The following TNKS variants were observed in gnomAD, a reference collection of about 807,000 sequenced individuals.
The protein encoded by TNKS is tankyrase.
TNKS carries 72 observed loss-of-function variants against 135.8 expected under a neutral mutation model. The ratio of observed to expected loss-of-function variants is 0.53; its 90% confidence interval spans 0.44 to 0.64. TNKS has a LOEUF of 0.64. TNKS is among the 30% of genes least tolerant of loss of function. The pLI is 0.00. For missense variants in TNKS, 1,769 were observed against 1,674.0 expected (o/e 1.06, Z -0.99); for synonymous variants, 849 against 649.3 (o/e 1.31, Z -4.68).
At chr8:9,591,034 A>G (rs1050907307) in intron 2 of TNKS, among the ~76,000 whole-genome samples, 3 of 152,168 alleles carry the variant, frequency 2.0e-5, no homozygotes, top group Admixed American at 1.3e-4. Context: ...TTGTAACTGA[A>G]ATGTATTTAG....
At position 9,556,617 on chromosome 8, in the gene TNKS, G is replaced by C. The variant is rs1457623335; in HGVS notation, c.673+5G>C. On this transcript the variant is annotated splice_donor_5th_base_variant and intron_variant, in intron 1 of 26. Transcript: ENST00000310430. ...CTCCCCTGCACTTCGCTGCAGGTCAGAGACTTTTGAATTGTTTATTAAGGG... is the reference window on the plus strand; with the variant it reads ...CTCCCCTGCACTTCGCTGCAGGTCACAGACTTTTGAATTGTTTATTAAGGG... The C allele has an allele frequency of 5.6e-6, 9 of 1,612,976 alleles. No individual in the cohort carries two copies. Among genetic ancestry groups the C allele is most frequent in the Non-Finnish European group, 7.6e-6 (9 of 1,180,038 alleles).
chr8:9,638,534 A>T (rs756448112), intron 3 of TNKS, among the ~76,000 whole-genome samples: 4 of 152,190 alleles, frequency 2.6e-5, no homozygotes, highest in African/African-American at 4.8e-5. Context: ...ATCCAAGGAG[A>T]TAATCTTGAA....
intron 1 of TNKS, among the ~76,000 whole-genome samples, chr8:9,566,887 C>T (rs1363788209): frequency 1.3e-5 from 2 of 152,028 alleles, no homozygotes; most frequent in African/African-American, 4.8e-5. Context: ...GGATTACAGG[C>T]GTGAGCCACC....
chr8:9,556,389 G>A lies in TNKS; in HGVS notation c.450G>A (p.Leu150=). 6.2e-7 allele frequency: 1 copy of A among 1,614,222 alleles called. No homozygotes were observed. Among genetic ancestry groups the A allele is most frequent in the Non-Finnish European group, 8.5e-7 (1 of 1,180,040 alleles). ...SSSPSSPGSS[L]AESPEAAGVS... ...CTCCATCCTCCCCTGGATCGAGCTT[G>A]GCGGAGAGCCCCGAGGCGGCCGGAG... The change falls in exon 1 of 27, where the codon TTG becomes TTA. Residue 150 remains leucine, a synonymous_variant. Coordinates refer to ENST00000310430, the MANE Select transcript of TNKS (RefSeq NM_003747.3).
chr8:9,761,423 A>T (rs762138238), intron 20 of TNKS, 93 bp from the exon 21 acceptor site: 13 of 1,311,490 alleles, frequency 9.9e-6, no homozygotes, highest in Admixed American at 2.4e-5. Context: ...TCTTAATTTG[A>T]ATGGTACTCG....
intron 18 of TNKS, among the ~76,000 whole-genome samples, chr8:9,749,022 A>G (rs1806384166): frequency 6.6e-6 from 1 of 152,202 alleles, no homozygotes; most frequent in African/African-American, 2.4e-5. Context: ...TCACAGAATA[A>G]TTGTATCTCA....
chr8:9,735,921 AT>A (rs1385423897), intron 17 of TNKS, among the ~76,000 whole-genome samples: 1 of 152,054 alleles, frequency 6.6e-6, no homozygotes, highest in Non-Finnish European at 1.5e-5. Context: ...ATTTAGCATA[AT>A]TTTAATCTTT....
intron 17 of TNKS, among the ~76,000 whole-genome samples, chr8:9,745,684 C>T (rs1351767875): frequency 6.6e-6 from 1 of 152,090 alleles, no homozygotes; most frequent in Non-Finnish European, 1.5e-5. Context: ...GGATTACAGG[C>T]CTGAACCACC....
intron 3 of TNKS, among the ~76,000 whole-genome samples, chr8:9,628,516 C>CTT (rs61035679): frequency 5.4e-5 from 8 of 149,150 alleles, no homozygotes; most frequent in African/African-American, 2.0e-4. Context: ...ATTCCTCCTG[C>CTT]TTTTTTTTTT....
rs537782161 is a variant in TNKS at position 9,659,715 on chromosome 8, A to G, written c.995-20236A>G. On this transcript the variant is annotated intron_variant, in intron 3 of 26. Coordinates refer to ENST00000310430, the MANE Select transcript of TNKS (RefSeq NM_003747.3). ...GCAAACACATTCAAAAGCTAGCAGA[A>G]GGCAAGAAATAAGTAAGATCAGAGC... Among the ~76,000 whole-genome samples, 19 of 152,358 alleles carry G rather than the reference A, an allele frequency of 1.2e-4. 1 individual carries two copies. The South Asian group carries it at 3.9e-3, about 32-fold the overall frequency.
At chr8:9,762,301 A>G (rs537655707) in intron 21 of TNKS, among the ~76,000 whole-genome samples, 1 of 152,308 alleles carries the variant, frequency 6.6e-6, no homozygotes, top group East Asian at 1.9e-4. Context: ...TCAAATTATA[A>G]AAGAGTGATG....
intron 5 of TNKS, among the ~76,000 whole-genome samples, chr8:9,702,261 T>C (rs1803836324): frequency 2.0e-5 from 3 of 152,204 alleles, no homozygotes; most frequent in Admixed American, 2.0e-4. Context: ...ACTATATAGG[T>C]CTAAGAAGCA....
intron 17 of TNKS, among the ~76,000 whole-genome samples, chr8:9,735,755 G>T (rs866382344): frequency 6.6e-6 from 1 of 151,980 alleles, no homozygotes; most frequent in Non-Finnish European, 1.5e-5. Context: ...AGCCCAGATC[G>T]CGCCACTGCA....
intron 2 of TNKS, among the ~76,000 whole-genome samples, chr8:9,585,295 C>T (rs1018387119): frequency 5.9e-5 from 9 of 151,736 alleles, no homozygotes; most frequent in Non-Finnish European, 1.0e-4. Context: ...GTAAATAAAT[C>T]TGGGAACATC....
At position 9,736,090 on chromosome 8, in the gene TNKS, A is replaced by G. The variant is rs1274188986; in HGVS notation, c.2643+604A>G. Among the ~76,000 whole-genome samples, 3 of 145,244 alleles carry G rather than the reference A, an allele frequency of 2.1e-5. No individual in the cohort carries two copies. The East Asian group carries it at 6.0e-4, about 29-fold the overall frequency. ...ATTTATCAATATTGTAATATAATAT[A>G]TATAATGTAAAATAATATAATAAAT... On this transcript the variant is annotated intron_variant, in intron 17 of 26. Coordinates refer to ENST00000310430, the MANE Select transcript of TNKS (RefSeq NM_003747.3).
chr8:9,685,069 G>A lies in TNKS; in HGVS notation c.1107+4269G>A, dbSNP rs1483984437. On this transcript the variant is annotated intron_variant, in intron 5 of 26. Coordinates refer to ENST00000310430, the MANE Select transcript of TNKS (RefSeq NM_003747.3). ...CATGATTTTAATTCAGAAAACTTAAGGATTTCTTTAAGTGTCAACTTTCTG... is the reference window on the plus strand; with the variant it reads ...CATGATTTTAATTCAGAAAACTTAAAGATTTCTTTAAGTGTCAACTTTCTG... Among the ~76,000 whole-genome samples, 3 of 152,090 alleles carry A rather than the reference G, an allele frequency of 2.0e-5. No homozygotes were observed. In the East Asian group the frequency reaches 5.8e-4, roughly 29 times the overall value.
chr8:9,727,597 G>A (rs771333388), intron 13 of TNKS, among the ~76,000 whole-genome samples: 3 of 152,032 alleles, frequency 2.0e-5, no homozygotes, highest in South Asian at 2.1e-4. Context: ...TATTTTTATC[G>A]AAAAGTTAAT....
intron 20 of TNKS, among the ~76,000 whole-genome samples, chr8:9,755,869 A>T (rs574997429): frequency 1.3e-5 from 2 of 152,188 alleles, no homozygotes; most frequent in Admixed American, 1.3e-4. Flanking sequence ...CTCACCTCCT[A>T]TCTTCACAGT....
chr8:9,665,743 A>G (rs1233589634), intron 3 of TNKS, among the ~76,000 whole-genome samples: 4 of 152,178 alleles, frequency 2.6e-5, no homozygotes, highest in African/African-American at 9.7e-5. Flanking sequence ...GCATGGTGCA[A>G]GGATTCTTCA....
Sources: allele counts gnomAD v4.1 joint callset (sites outside exome capture counted in the v4.1 genomes callset), GRCh38; gene constraint gnomAD v4.1.1; transcripts MANE v1.5; gene names NCBI Gene and HGNC (gene_info 2026-07-23, HGNC 2026-07-21).